GRM1: variants seen among roughly 807,000 people sequenced by gnomAD.
GRM1 encodes the protein metabotropic glutamate receptor 1.
Under a neutral mutation model 90.9 loss-of-function variants are expected in GRM1, and 33 were observed. The ratio of observed to expected loss-of-function variants is 0.36; its 90% confidence interval spans 0.28 to 0.49. GRM1 has a LOEUF of 0.49. GRM1 is among the 20% of genes least tolerant of loss of function. The pLI is 0.99. For synonymous variants in GRM1, 700 were observed against 613.2 expected (o/e 1.14, Z -2.09); for missense variants, 1,190 against 1,534.3 (o/e 0.78, Z 3.75).
intron 4 of GRM1, 79 bp from the exon 5 acceptor site, chr6:146,357,447 T>G (rs747969826): frequency 8.2e-5 from 93 of 1,140,386 alleles, no homozygotes; most frequent in Middle Eastern, 2.1e-4. Context: ...TTGTTTCTAT[T>G]ATTATCTACT....
intron 1 of GRM1, among the ~76,000 whole-genome samples, chr6:146,044,978 G>A (rs1204458873): frequency 1.3e-5 from 2 of 151,882 alleles, no homozygotes; most frequent in African/African-American, 2.4e-5. Flanking sequence ...GGGCCTGAGC[G>A]TCTGTCTCTA....
At chr6:146,102,102 C>T (rs187463953) in intron 1 of GRM1, among the ~76,000 whole-genome samples, 1 of 152,166 alleles carries the variant, frequency 6.6e-6, no homozygotes, top group East Asian at 1.9e-4. Context: ...AGATCTCGCT[C>T]GCCTCTTGTT....
chr6:146,366,009 G>GT (rs2115077216), intron 5 of GRM1, among the ~76,000 whole-genome samples: 1 of 152,218 alleles, frequency 6.6e-6, no homozygotes, highest in Non-Finnish European at 1.5e-5. Flanking sequence ...TCTTGCTTTA[G>GT]TTTTTCCAAA....
intron 1 of GRM1, among the ~76,000 whole-genome samples, chr6:146,067,220 A>G (rs1775878249): frequency 6.6e-6 from 1 of 152,234 alleles, no homozygotes; most frequent in Non-Finnish European, 1.5e-5. Context: ...GTCAGCAATA[A>G]GAAAGGCTGT....
At chr6:146,263,902 C>A (rs1387144182) in intron 2 of GRM1, among the ~76,000 whole-genome samples, 1 of 152,054 alleles carries the variant, frequency 6.6e-6, no homozygotes, top group Non-Finnish European at 1.5e-5. Context: ...TGAGAGAATG[C>A]GTGCTAGTCT....
At chr6:146,395,649 T>C (rs1255151055) in intron 6 of GRM1, among the ~76,000 whole-genome samples, 1 of 152,150 alleles carries the variant, frequency 6.6e-6, no homozygotes, top group Non-Finnish European at 1.5e-5. Flanking sequence ...TGTTCTGTAT[T>C]CATGAAGTTT....
At chr6:146,394,790 C>T (rs763203410) in intron 6 of GRM1, among the ~76,000 whole-genome samples, 4 of 152,066 alleles carry the variant, frequency 2.6e-5, no homozygotes, top group Non-Finnish European at 4.4e-5. Context: ...AAAATAAGCA[C>T]GCTATTTGAA....
At chr6:146,125,683 T>C (rs1179769213) in intron 1 of GRM1, among the ~76,000 whole-genome samples, 1 of 152,120 alleles carries the variant, frequency 6.6e-6, no homozygotes, top group African/African-American at 2.4e-5. Context: ...ATCTAAACTC[T>C]TTTATTCTTC....
At chr6:146,135,646 A>T (rs1216105565) in intron 1 of GRM1, among the ~76,000 whole-genome samples, 1 of 152,106 alleles carries the variant, frequency 6.6e-6, no homozygotes, top group Non-Finnish European at 1.5e-5. Flanking sequence ...CTTTTATTTT[A>T]TTTTTAATTT....
chr6:146,421,732 A>G (rs1777999902), intron 7 of GRM1, among the ~76,000 whole-genome samples: 1 of 152,116 alleles, frequency 6.6e-6, no homozygotes, highest in Non-Finnish European at 1.5e-5. Flanking sequence ...TTTGAAATGA[A>G]GCAATATTTT....
At chr6:146,134,076 G>A (rs146262423) in intron 1 of GRM1, among the ~76,000 whole-genome samples, 147 of 152,262 alleles carry the variant, frequency 9.7e-4, no homozygotes, top group African/African-American at 3.3e-3. Flanking sequence ...TTCCACACAG[G>A]CACAGTGTGT....
intron 7 of GRM1, among the ~76,000 whole-genome samples, chr6:146,417,853 A>T (rs1045113471): frequency 6.6e-6 from 1 of 152,114 alleles, no homozygotes; most frequent in Non-Finnish European, 1.5e-5. Flanking sequence ...CCTCTGTAAT[A>T]AATCAAAGTA....
intron 1 of GRM1, among the ~76,000 whole-genome samples, chr6:146,115,669 A>G (rs1775716388): frequency 6.6e-6 from 1 of 152,172 alleles, no homozygotes; most frequent in Non-Finnish European, 1.5e-5. Flanking sequence ...GTTTATTTCT[A>G]GGAGTTACAA....
At chr6:146,417,735 A>G (rs946546403) in intron 7 of GRM1, among the ~76,000 whole-genome samples, 1 of 152,204 alleles carries the variant, frequency 6.6e-6, no homozygotes, top group African/African-American at 2.4e-5. Flanking sequence ...TTATCATTAC[A>G]TCTTCAGTTC....
intron 1 of GRM1, among the ~76,000 whole-genome samples, chr6:146,101,002 AG>A (rs2128870443): frequency 6.6e-6 from 1 of 152,262 alleles, no homozygotes; most frequent in South Asian, 2.1e-4. Context: ...CTGAGGTGGG[AG>A]GATGGCTTCA....
chr6:146,168,022 T>G (rs1034075958), intron 2 of GRM1, among the ~76,000 whole-genome samples: 8 of 152,058 alleles, frequency 5.3e-5, no homozygotes, highest in African/African-American at 1.9e-4. Flanking sequence ...GATATATGAC[T>G]CATTTGGGCC....
intron 1 of GRM1, among the ~76,000 whole-genome samples, chr6:146,070,183 C>CT (rs899981837): frequency 2.5e-4 from 38 of 151,764 alleles, no homozygotes; most frequent in Admixed American, 1.1e-3. Flanking sequence ...TTTTTTTTCT[C>CT]TAACAAGTTT....
At chr6:146,341,126 T>A (rs976780742) in intron 3 of GRM1, among the ~76,000 whole-genome samples, 1 of 152,202 alleles carries the variant, frequency 6.6e-6, no homozygotes, top group Non-Finnish European at 1.5e-5. Context: ...ATCTAGTACC[T>A]CAGTCTAGAT....
rs563036527 is a variant in GRM1 at position 146,385,454 on chromosome 6, A to G, written c.1603-1436A>G. On this transcript the variant is annotated intron_variant, in intron 5 of 7. Transcript: ENST00000282753. ...ACGGTCAACTTAAACTTCCATACCA[A>G]GTGAAAATGTTATTTTTGAAATACT... Among the ~76,000 whole-genome samples the G allele has an allele frequency of 1.1e-4, 16 of 152,062 alleles. No homozygotes were observed. The East Asian group carries it at 3.1e-3, about 29-fold the overall frequency.
Sources: gnomAD v4.1 joint callset for allele counts (sites outside exome capture counted in the v4.1 genomes callset) on GRCh38, gnomAD v4.1.1 for gene constraint, MANE v1.5 for transcripts, NCBI Gene and HGNC (gene_info 2026-07-23, HGNC 2026-07-21) for gene names.